Variants in RAI1 observed in about 807,000 individuals in gnomAD.
The protein encoded by RAI1 is retinoic acid induced 1, also known as retinoic acid-induced protein 1.
RAI1 carries 9 observed loss-of-function variants against 123.8 expected under a neutral mutation model. That is an observed-to-expected ratio of 0.07 (90% CI 0.04 to 0.13). The LOEUF is 0.13. Among genes scored for constraint, RAI1 ranks in the 10% least tolerant of loss-of-function variants. The pLI, the probability that RAI1 is intolerant of heterozygous loss-of-function variation, is 1.00. For missense variants in RAI1, 2,256 were observed against 2,545.8 expected, an observed-to-expected ratio of 0.89 and a Z score of 2.45; for synonymous variants, 1,231 against 1,127.3, an observed-to-expected ratio of 1.09 and a Z score of -1.84.
chr17:17,793,733 G>A lies in RAI1; in HGVS notation c.785G>A (p.Arg262Gln), dbSNP rs769783296. The A allele has an allele frequency of 1.6e-5, 25 of 1,612,712 alleles. No individual in the cohort carries two copies. In the Middle Eastern group the frequency reaches 4.9e-4, roughly 32 times the overall value. ...TASSSLAPGQ[R>Q]VQNLHAYQSG... ...AGCTCCAGCCTGGCCCCGGGGCAGC[G>A]GGTCCAGAATCTTCATGCCTACCAG... is the stretch of plus-strand genomic sequence containing the variant. The change falls in exon 3 of 6, where the codon CGG becomes CAG. Residue 262 changes from arginine to glutamine, a missense_variant. By Grantham distance (43) the Arg-to-Gln change is conservative. This residue lies in a region of RAI1 where 336 missense variants were observed against 349.8 expected (regional missense o/e 0.96). Transcript: ENST00000353383.
chr17:17,700,864 C>T (rs1242521928), intron 1 of RAI1, among the ~76,000 whole-genome samples: 1 of 152,242 alleles, frequency 6.6e-6, no homozygotes, highest in Non-Finnish European at 1.5e-5. Flanking sequence ...CAAGGCCCTT[C>T]GGGACCGCTG....
At chr17:17,768,547 G>T (rs1041890044) in intron 2 of RAI1, among the ~76,000 whole-genome samples, 5 of 152,214 alleles carry the variant, frequency 3.3e-5, no homozygotes, top group Non-Finnish European at 1.5e-5. Context: ...CAGTTTACAC[G>T]CCAGACATAG....
In RAI1 at chr17:17,685,531, T is replaced by C. The variant is rs1172053564; in HGVS notation, c.-149+3738T>C. On this transcript the variant is annotated intron_variant, in intron 1 of 5. Transcript: ENST00000353383. This position sits in a 1 kb window ranked among gnomAD's most constrained non-coding sequence, Gnocchi z 4.0. ...GCGAGTCTTTGGAAGCTGGAAGGGATGTGGCCTGTGTGCTGTAGCCAAACA... is the reference window on the plus strand; with the variant it reads ...GCGAGTCTTTGGAAGCTGGAAGGGACGTGGCCTGTGTGCTGTAGCCAAACA... Among the ~76,000 whole-genome samples, 1 of 152,180 alleles carries C rather than the reference T, an allele frequency of 6.6e-6. No homozygotes were observed. The highest frequency in any genetic ancestry group is 1.5e-5 in the Non-Finnish European group (1 of 68,030).
At chr17:17,732,250 C>T (rs1399860823) in intron 2 of RAI1, among the ~76,000 whole-genome samples, 1 of 152,106 alleles carries the variant, frequency 6.6e-6, no homozygotes, top group Non-Finnish European at 1.5e-5. Flanking sequence ...GTGTTGGGAG[C>T]GTTGGCCTCC....
intron 1 of RAI1, among the ~76,000 whole-genome samples, chr17:17,716,817 C>T (rs1414586441): frequency 6.6e-6 from 1 of 152,176 alleles, no homozygotes; most frequent in African/African-American, 2.4e-5. Flanking sequence ...GCCCCGTGGG[C>T]TTAGCGTGGG....
At chr17:17,765,033 G>A (rs903996495) in intron 2 of RAI1, among the ~76,000 whole-genome samples, 6 of 152,194 alleles carry the variant, frequency 3.9e-5, no homozygotes, top group South Asian at 2.1e-4. Context: ...GTTTATAATC[G>A]GAGGATCTTC....
intron 4 of RAI1, chr17:17,804,219 A>C (rs568046930): frequency 0.011 from 3,704 of 340,526 alleles, 145 homozygotes; most frequent in African/African-American, 0.073. Flanking sequence ...ATAGGAGTTC[A>C]CTCAGCAGAG....
chr17:17,712,695 C>T (rs1000209559), intron 1 of RAI1, among the ~76,000 whole-genome samples: 56 of 152,198 alleles, frequency 3.7e-4, no homozygotes, highest in African/African-American at 1.1e-3. Context: ...AGTGATGATG[C>T]GGCCTGAACA....
intron 4 of RAI1, among the ~76,000 whole-genome samples, chr17:17,804,771 AC>A (rs1163072406): frequency 6.6e-6 from 1 of 151,828 alleles, no homozygotes; most frequent in African/African-American, 2.4e-5. Context: ...TCATCCTCCC[AC>A]CTCAGCCTCC....
chr17:17,758,311 G>A (rs2030533611), intron 2 of RAI1, among the ~76,000 whole-genome samples: 1 of 152,208 alleles, frequency 6.6e-6, no homozygotes, highest in African/African-American at 2.4e-5. Flanking sequence ...TTTGGCAGAG[G>A]AAATGGGTGG....
At chr17:17,724,183 T>C (rs1302086751) in intron 2 of RAI1, 24 bp downstream of exon 2, 1 of 151,248 alleles carries the variant, frequency 6.6e-6, no homozygotes, top group Non-Finnish European at 1.5e-5. Context: ...CGGAGCTTTG[T>C]GTTTTCGGCG....
chr17:17,784,483 G>A (rs1353433868), intron 2 of RAI1, among the ~76,000 whole-genome samples: 1 of 152,246 alleles, frequency 6.6e-6, no homozygotes, highest in Non-Finnish European at 1.5e-5. Flanking sequence ...TCCTGCACAA[G>A]CCACTGGCCC....
chr17:17,722,649 C>T (rs1265189164), intron 1 of RAI1, among the ~76,000 whole-genome samples: 1 of 152,250 alleles, frequency 6.6e-6, no homozygotes, highest in Non-Finnish European at 1.5e-5. Context: ...CCGCATGCTT[C>T]TGTGCTGCGC....
Position 17,796,557 on chromosome 17 carries a change from A to G in RAI1, c.3609A>G (p.Ala1203=), listed in dbSNP as rs1419864421. Residue 1203 remains alanine, a synonymous_variant, in exon 3 of 6, where the codon GCA becomes GCG. Transcript: ENST00000353383. This position sits in a 1 kb window ranked among gnomAD's most constrained non-coding sequence, Gnocchi z 5.8. ...PQKEGRVSQR[A]RVPKPGAGSK... ...AGGAGGGCAGGGTGAGCCAGCGGGCAAGGGTCCCCAAACCTGGTGCAGGCA... is the reference window on the plus strand; with the variant it reads ...AGGAGGGCAGGGTGAGCCAGCGGGCGAGGGTCCCCAAACCTGGTGCAGGCA... 2 of 1,611,126 alleles carry G rather than the reference A, an allele frequency of 1.2e-6. No individual in the cohort carries two copies. The highest frequency in any genetic ancestry group is 3.3e-5 in the Admixed American group (2 of 60,022).
intron 1 of RAI1, chr17:17,683,578 G>A (rs559764717): frequency 6.6e-6 from 1 of 152,352 alleles, no homozygotes; most frequent in Non-Finnish European, 1.5e-5. Context: ...CAGGAGCAAG[G>A]AAAAGTGGCC....
At chr17:17,704,194 C>T (rs1395279101) in intron 1 of RAI1, among the ~76,000 whole-genome samples, 1 of 152,214 alleles carries the variant, frequency 6.6e-6, no homozygotes, top group Non-Finnish European at 1.5e-5. Flanking sequence ...TCCCTGGACA[C>T]CCAGTGCTGT....
rs866208505 is a variant in RAI1, at chr17:17,796,189, C to T, written c.3241C>T (p.Pro1081Ser). 1 of 1,554,648 alleles carries T rather than the reference C, an allele frequency of 6.4e-7. No homozygotes were observed. The highest frequency in any genetic ancestry group is 1.4e-5 in the African/African-American group (1 of 73,170). Residue 1081 changes from proline to serine, a missense_variant, in exon 3 of 6, where the codon CCA becomes TCA. Coordinates refer to ENST00000353383, the MANE Select transcript of RAI1 (RefSeq NM_030665.4). This position sits in a 1 kb window ranked among gnomAD's most constrained non-coding sequence, Gnocchi z 5.8. ...PPGLTTTPAP[P>S]DKLGGKQRAA... ...AGGCCTGACCACCACCCCTGCACCC[C>T]CAGACAAACTGGGGGGCAAGCAGCG...
intron 1 of RAI1, among the ~76,000 whole-genome samples, chr17:17,713,327 A>G (rs1431911128): frequency 6.6e-6 from 1 of 152,118 alleles, no homozygotes; most frequent in Non-Finnish European, 1.5e-5. Context: ...TGGGTGATAT[A>G]GTGAGATCCT....
At chr17:17,790,618 G>A (rs868837238) in intron 2 of RAI1, among the ~76,000 whole-genome samples, 36 of 150,996 alleles carry the variant, frequency 2.4e-4, no homozygotes, top group Middle Eastern at 6.8e-3. Context: ...TGGAGAATGT[G>A]AAAAAAAATA....
Sources: gnomAD v4.1 joint callset for allele counts (sites outside exome capture counted in the v4.1 genomes callset) on GRCh38, gnomAD v4.1.1 for gene constraint, gnomAD v4.1.1 regional missense constraint, Gnocchi (gnomAD v3.1) non-coding constraint, MANE v1.5 for transcripts, NCBI Gene and HGNC (gene_info 2026-07-23, HGNC 2026-07-21) for gene names.